Variants in USP20 observed in about 807,000 individuals in gnomAD.
USP20 encodes the protein ubiquitin carboxyl-terminal hydrolase 20.
USP20 carries 80 observed loss-of-function variants against 124.2 expected under a neutral mutation model. The ratio of observed to expected loss-of-function variants is 0.64; its 90% confidence interval spans 0.54 to 0.78. The LOEUF (loss-of-function observed/expected upper bound fraction) is 0.78, where lower values mean the gene tolerates loss of function less well. Among genes scored for constraint, USP20 ranks in the 30% least tolerant of loss-of-function variants. USP20 has a pLI of 0.00. For synonymous variants in USP20, 481 were observed against 512.3 expected, an observed-to-expected ratio of 0.94 and a Z score of 0.83; for missense variants, 1,043 against 1,244.4, an observed-to-expected ratio of 0.84 and a Z score of 2.44.
rs1443627914 is a variant in USP20 at position 129,839,731 on chromosome 9, G to A, written c.-129+4232G>A. On this transcript the variant is annotated intron_variant, in intron 1 of 25. Transcript: ENST00000372429. This position sits in a 1 kb window ranked among gnomAD's most constrained non-coding sequence, Gnocchi z 4.5. ...AGAAGTGTCGCCCTCCCCATCCTGA[G>A]GGACTGGTTCCTCGCTGGGAGGAGG... is the stretch of plus-strand genomic sequence containing the variant. Among the ~76,000 whole-genome samples, 1 of 152,090 alleles carries A rather than the reference G, an allele frequency of 6.6e-6. No homozygotes were observed. The highest frequency in any genetic ancestry group is 1.5e-5 in the Non-Finnish European group (1 of 68,008).
rs1432859904 is a variant in USP20 at position 129,849,912 on chromosome 9, G to C, written c.-29G>C. ...ATGCTGGCCGCTTCCTGTGGGCTTC[G>C]TGTCACCCAGAGGTAAGCCCATGGC... On this transcript the variant is annotated 5_prime_UTR_variant, in exon 2 of 26. Coordinates refer to ENST00000372429, the MANE Select transcript of USP20 (RefSeq NM_001110303.4). 1 of 152,054 alleles carries C rather than the reference G, an allele frequency of 6.6e-6. No homozygotes were observed. Among genetic ancestry groups the C allele is most frequent in the East Asian group, 1.9e-4 (1 of 5,192 alleles). 9.4% of individuals were successfully genotyped at this position (152,054 alleles called of 1,614,324 possible).
chr9:129,875,509 G>T (rs1386408991), intron 20 of USP20, 30 bp downstream of exon 20: 1 of 1,612,980 alleles, frequency 6.2e-7, no homozygotes, highest in Non-Finnish European at 8.5e-7. Flanking sequence ...GGGAGAGCAG[G>T]GTGGGCAGCT....
In USP20 at chr9:129,875,178, C is replaced by T. The variant is rs564581727; in HGVS notation, c.2049-132C>T. 587 of 1,254,338 alleles carry T rather than the reference C, an allele frequency of 4.7e-4. 8 individuals carry two copies. The South Asian group carries it at 7.2e-3, about 15-fold the overall frequency. 77.7% of individuals were successfully genotyped at this position (1,254,338 alleles called of 1,614,324 possible). ...GCGGCACAGGGGGCTGCTCACATGT[C>T]CAGGACCCGTGAAGGACCCAGGAGG... On this transcript the variant is annotated intron_variant, in intron 19 of 25. Coordinates refer to ENST00000372429, the MANE Select transcript of USP20 (RefSeq NM_001110303.4).
At chr9:129,860,621 G>A (rs1340525474) in intron 6 of USP20, among the ~76,000 whole-genome samples, 2 of 152,252 alleles carry the variant, frequency 1.3e-5, no homozygotes, top group African/African-American at 2.4e-5. Flanking sequence ...CTACTGAGAA[G>A]GGCGAGGTGG....
intron 5 of USP20, 114 bp from the exon 6 acceptor site, chr9:129,858,353 C>G (rs975056541): frequency 1.3e-6 from 2 of 1,501,924 alleles, no homozygotes; most frequent in East Asian, 2.3e-5. Context: ...AGCTTCCGGC[C>G]TCTGTCCTGA....
At chr9:129,841,474 C>T (rs924330353) in intron 1 of USP20, among the ~76,000 whole-genome samples, 1 of 152,150 alleles carries the variant, frequency 6.6e-6, no homozygotes, top group Non-Finnish European at 1.5e-5. Context: ...CAATTCAGTC[C>T]ATAACAAATA....
chr9:129,852,551 C>T lies in USP20; in HGVS notation c.-5C>T, dbSNP rs2032981810. ...GTGTCTTCTCATAGGTGAGCCCAGG[C>T]CAGGATGGGGGACTCCAGGGACCTT... On this transcript the variant is annotated 5_prime_UTR_variant, in exon 3 of 26. Coordinates refer to ENST00000372429, the MANE Select transcript of USP20 (RefSeq NM_001110303.4). The T allele has an allele frequency of 6.3e-7, 1 of 1,591,748 alleles. No individual in the cohort carries two copies. Among genetic ancestry groups the T allele is most frequent in the African/African-American group, 1.3e-5 (1 of 74,614 alleles).
At chr9:129,877,161 TC>T (rs2034444069) in intron 22 of USP20, among the ~76,000 whole-genome samples, 1 of 152,186 alleles carries the variant, frequency 6.6e-6, no homozygotes, top group Non-Finnish European at 1.5e-5. Flanking sequence ...TAGGACGTGT[TC>T]CACTCACAGG....
intron 10 of USP20, among the ~76,000 whole-genome samples, chr9:129,865,611 G>T (rs1410600988): frequency 6.6e-6 from 1 of 152,228 alleles, no homozygotes; most frequent in African/African-American, 2.4e-5. Flanking sequence ...AGGTTCAGGG[G>T]CCGAGCCACT....
chr9:129,872,516 G>A (rs1171760256), intron 15 of USP20, among the ~76,000 whole-genome samples: 4 of 152,160 alleles, frequency 2.6e-5, no homozygotes, highest in East Asian at 1.9e-4. Flanking sequence ...CTCCCATCCT[G>A]TAGGGTGCGT....
chr9:129,844,239 T>C (rs1478308713), intron 1 of USP20, among the ~76,000 whole-genome samples: 2 of 152,086 alleles, frequency 1.3e-5, no homozygotes, highest in South Asian at 4.1e-4. Flanking sequence ...CTATTAGAAA[T>C]GAAGCTGAAA....
At chr9:129,866,454 CAG>C (rs71497498) in intron 10 of USP20, among the ~76,000 whole-genome samples, 6,677 of 152,332 alleles carry the variant, frequency 0.044, 182 homozygotes, top group Middle Eastern at 0.099. Context: ...AGCTGAGGCT[CAG>C]AGAGGTTCTA....
At position 129,868,240 on chromosome 9, in the gene USP20, C is replaced by T. The variant is rs750213597; in HGVS notation, c.926C>T (p.Thr309Met). Residue 309 changes from threonine (T) to methionine (M), a missense_variant, in exon 11 of 26, where the codon ACG (threonine) becomes ATG (methionine). Thr to Met is a moderately conservative substitution (Grantham distance 81). Coordinates refer to ENST00000372429, the MANE Select transcript of USP20 (RefSeq NM_001110303.4). ...GRGGGSSQAE[T>M]ELLIPDEAGR... ...GGCGGGGGCAGCTCGCAGGCCGAGACGGAGCTGCTGATCCCAGATGAGGCG... is the reference window on the plus strand; with the variant it reads ...GGCGGGGGCAGCTCGCAGGCCGAGATGGAGCTGCTGATCCCAGATGAGGCG... 2.3e-5 allele frequency: 37 copies of T among 1,613,738 alleles called. No individual in the cohort carries two copies. Among genetic ancestry groups the T allele is most frequent in the African/African-American group, 2.7e-5 (2 of 74,888 alleles).
chr9:129,867,860 C>T (rs971751008), intron 10 of USP20, 145 bp from the exon 11 acceptor site: 12 of 970,724 alleles, frequency 1.2e-5, no homozygotes, highest in African/African-American at 6.6e-5. Flanking sequence ...CATGGGAGGC[C>T]GCTGTGGGGG....
intron 4 of USP20, 65 bp downstream of exon 4, chr9:129,856,425 G>C: frequency 5.1e-6 from 8 of 1,572,060 alleles, no homozygotes; most frequent in Non-Finnish European, 7.0e-6. Flanking sequence ...CACTGCACAG[G>C]CTGGTGCAGT....
chr9:129,869,194 C>T (rs762249925), intron 12 of USP20, 116 bp from the exon 13 acceptor site: 20 of 1,331,108 alleles, frequency 1.5e-5, no homozygotes, highest in Non-Finnish European at 2.1e-5. Context: ...GAATTGCTTA[C>T]CCAGTCATGT....
intron 3 of USP20, 134 bp downstream of exon 3, chr9:129,852,770 G>A: frequency 2.2e-6 from 2 of 912,538 alleles, no homozygotes; most frequent in Non-Finnish European, 3.3e-6. Context: ...AAATGGAAAT[G>A]CTGGCATCTG....
In USP20 at chr9:129,868,435, C is replaced by A. The variant is rs773303932; in HGVS notation, c.1121C>A (p.Pro374His). The A allele has an allele frequency of 1.5e-5, 24 of 1,610,226 alleles. No individual in the cohort carries two copies. The South Asian group carries it at 2.4e-4, about 16-fold the overall frequency. The part of the protein sequence containing the change: ...AQPPSPRSSS[P>H]CRTPEPDNDA... Reference sequence around the variant, plus strand: ...CCCCCGTCACCACGGTCCTCCAGCCCCTGCCGGACGCCAGGTATCAGCTGG... The same window carrying A: ...CCCCCGTCACCACGGTCCTCCAGCCACTGCCGGACGCCAGGTATCAGCTGG... The change falls in exon 11 of 26, where the codon CCC becomes CAC. Residue 374 changes from proline to histidine, a missense_variant. Coordinates refer to ENST00000372429, the MANE Select transcript of USP20 (RefSeq NM_001110303.4).
At chr9:129,861,060 T>C (rs771248960) in intron 7 of USP20, 27 bp downstream of exon 7, 12 of 1,607,850 alleles carry the variant, frequency 7.5e-6, no homozygotes, top group Non-Finnish European at 8.5e-7. Flanking sequence ...CAGGGGAAGC[T>C]GATGGGCTGG....
Sources: gnomAD v4.1 joint callset for allele counts (sites outside exome capture counted in the v4.1 genomes callset) on GRCh38, gnomAD v4.1.1 for gene constraint, Gnocchi (gnomAD v3.1) non-coding constraint, MANE v1.5 for transcripts, NCBI Gene and HGNC (gene_info 2026-07-23, HGNC 2026-07-21) for gene names.